The following CLASP1 variants were observed in gnomAD, a reference collection of about 807,000 sequenced individuals.
CLASP1 encodes the protein cytoplasmic linker associated protein 1, also known as CLIP-associating protein 1.
A neutral mutation model predicts 192.3 loss-of-function variants in CLASP1; 38 were observed. That is an observed-to-expected ratio of 0.20 (90% CI 0.15 to 0.26). The LOEUF is 0.26. Among genes scored for constraint, CLASP1 ranks in the 10% least tolerant of loss-of-function variants. The pLI is 1.00. For synonymous variants in CLASP1, 691 were observed against 712.8 expected, an observed-to-expected ratio of 0.97 and a Z score of 0.49; for missense variants, 1,433 against 1,932.5, an observed-to-expected ratio of 0.74 and a Z score of 4.85.
intron 8 of CLASP1, among the ~76,000 whole-genome samples, chr2:121,481,430 A>G (rs2092590909): frequency 6.6e-6 from 1 of 152,230 alleles, no homozygotes; most frequent in South Asian, 2.1e-4. Context: ...TCCAAAGGGA[A>G]AGTATCCATT....
chr2:121,357,092 G>A (rs532236490), intron 37 of CLASP1, among the ~76,000 whole-genome samples: 2 of 152,280 alleles, frequency 1.3e-5, no homozygotes, highest in South Asian at 4.1e-4. Flanking sequence ...GCCTAACGCT[G>A]ACAATGTACC....
chr2:121,438,132 G>A (rs543213805), intron 19 of CLASP1, among the ~76,000 whole-genome samples: 1 of 152,180 alleles, frequency 6.6e-6, no homozygotes, highest in South Asian at 2.1e-4. Flanking sequence ...ATTTCCATCT[G>A]CATGAACCCC....
At chr2:121,519,774 C>A (rs2094414813) in intron 6 of CLASP1, among the ~76,000 whole-genome samples, 1 of 152,196 alleles carries the variant, frequency 6.6e-6, no homozygotes, top group Admixed American at 6.5e-5. Context: ...CTAAACTATT[C>A]TTCACTGAAG....
chr2:121,382,447 T>C, intron 32 of CLASP1, 123 bp from the exon 34 acceptor site: 1 of 639,050 alleles, frequency 1.6e-6, no homozygotes, highest in Non-Finnish European at 2.6e-6. Context: ...TCTATTAAAG[T>C]TAATCAGAGC....
At chr2:121,369,966 A>G (rs2068264528) in intron 34 of CLASP1, among the ~76,000 whole-genome samples, 1 of 152,208 alleles carries the variant, frequency 6.6e-6, no homozygotes, top group African/African-American at 2.4e-5. Flanking sequence ...TGGCACCAAC[A>G]TTACACTAGA....
intron 2 of CLASP1, among the ~76,000 whole-genome samples, chr2:121,599,583 ATC>A (rs1241126199): frequency 1.0e-5 from 1 of 98,778 alleles, no homozygotes. Context: ...GTGAGACTCC[ATC>A]TCAAAAAAAA....
At chr2:121,448,734 G>A (rs2084853265) in intron 17 of CLASP1, among the ~76,000 whole-genome samples, 1 of 152,150 alleles carries the variant, frequency 6.6e-6, no homozygotes, top group Admixed American at 6.5e-5. Flanking sequence ...TTCTAGGACT[G>A]CCGTATACAT....
chr2:121,459,240 T>C (rs374277985), intron 12 of CLASP1, among the ~76,000 whole-genome samples: 3 of 152,044 alleles, frequency 2.0e-5, no homozygotes, highest in Admixed American at 6.6e-5. Flanking sequence ...CTTGCCCACG[T>C]TGAACTTGAA....
chr2:121,441,103 T>C (rs932639645), intron 19 of CLASP1, among the ~76,000 whole-genome samples: 1 of 152,212 alleles, frequency 6.6e-6, no homozygotes. Flanking sequence ...GTACCAAGTG[T>C]AGTTTGTAGG....
At chr2:121,367,518 G>T in intron 35 of CLASP1, 70 bp downstream of exon 36, 1 of 1,595,210 alleles carries the variant, frequency 6.3e-7, no homozygotes, top group Non-Finnish European at 8.6e-7. Flanking sequence ...TGGGCCTGGT[G>T]CTGGCCAGAC....
intron 3 of CLASP1, among the ~76,000 whole-genome samples, chr2:121,529,305 A>G (rs572512812): frequency 6.6e-6 from 1 of 152,344 alleles, no homozygotes; most frequent in Non-Finnish European, 1.5e-5. Context: ...GTCCAAGTGC[A>G]CCTGTAGACC....
chr2:121,574,221 G>A (rs530180351), intron 2 of CLASP1, among the ~76,000 whole-genome samples: 7 of 152,088 alleles, frequency 4.6e-5, no homozygotes, highest in African/African-American at 9.6e-5. Flanking sequence ...CCAGTTACTC[G>A]GGAGGCTGAG....
chr2:121,550,766 T>C (rs960456859), intron 2 of CLASP1, among the ~76,000 whole-genome samples: 6 of 151,738 alleles, frequency 4.0e-5, no homozygotes, highest in African/African-American at 1.5e-4. Flanking sequence ...ACCAACCAAA[T>C]TCACAGCCAA....
At position 121,536,153 on chromosome 2, in the gene CLASP1, G is replaced by A. The variant is rs563755388; in HGVS notation, c.196-5828C>T. Among the ~76,000 whole-genome samples the A allele has an allele frequency of 7.9e-5, 12 of 150,988 alleles. No homozygotes were observed. The South Asian group carries it at 1.7e-3, about 21-fold the overall frequency. On this transcript the variant is annotated intron_variant, in intron 2 of 39. Transcript: ENST00000263710. ...TCCCAGCACTTTGGGAGGCCGAGGTGGGCAGATCACGAAGTCAGGAGATCG... is the reference window on the plus strand; with the variant it reads ...TCCCAGCACTTTGGGAGGCCGAGGTAGGCAGATCACGAAGTCAGGAGATCG...
intron 30 of CLASP1, among the ~76,000 whole-genome samples, chr2:121,396,446 A>G (rs1042959073): frequency 1.3e-5 from 2 of 152,246 alleles, no homozygotes; most frequent in African/African-American, 4.8e-5. Flanking sequence ...AAATAAGTTG[A>G]GGTTTTTGGA....
intron 28 of CLASP1, 123 bp from the exon 30 acceptor site, chr2:121,398,523 A>G: frequency 1.5e-6 from 1 of 657,424 alleles, no homozygotes. Context: ...CATTTTTAAT[A>G]AATAGTGCTT....
At chr2:121,452,075 T>A (rs923791010) in intron 14 of CLASP1, among the ~76,000 whole-genome samples, 3 of 152,136 alleles carry the variant, frequency 2.0e-5, no homozygotes, top group East Asian at 3.9e-4. Flanking sequence ...AGGGACAGGA[T>A]CCAAGCATTT....
At chr2:121,489,628 T>C (rs2093185395) in intron 8 of CLASP1, among the ~76,000 whole-genome samples, 1 of 152,244 alleles carries the variant, frequency 6.6e-6, no homozygotes, top group Non-Finnish European at 1.5e-5. Context: ...GCAAACCCTG[T>C]TTACACAGAA....
At chr2:121,568,953 A>G (rs1194524081) in intron 2 of CLASP1, among the ~76,000 whole-genome samples, 4 of 152,110 alleles carry the variant, frequency 2.6e-5, no homozygotes, top group African/African-American at 7.2e-5. Flanking sequence ...CTGGTGTCAT[A>G]TATCTGTTAA....
Sources: allele counts gnomAD v4.1 joint callset (sites outside exome capture counted in the v4.1 genomes callset), GRCh38; gene constraint gnomAD v4.1.1; transcripts MANE v1.5; gene names NCBI Gene and HGNC (gene_info 2026-07-23, HGNC 2026-07-21).